SULF2: variants seen among roughly 807,000 people sequenced by gnomAD.
SULF2 encodes sulfatase 2.
Under a neutral mutation model 107.7 loss-of-function variants are expected in SULF2, and 52 were observed. The ratio of observed to expected loss-of-function variants is 0.48; its 90% CI spans 0.39 to 0.61. SULF2 has a LOEUF of 0.61. Ranked by LOEUF, SULF2 falls within the 20% of genes least tolerant of loss-of-function variation. The probability of loss-of-function intolerance (pLI) is 0.00; values close to 1 mark genes in which losing one functional copy is unlikely to be tolerated. For synonymous variants in SULF2, 460 were observed against 464.3 expected, an observed-to-expected ratio of 0.99 and a Z score of 0.12; for missense variants, 993 against 1,177.3, an observed-to-expected ratio of 0.84 and a Z score of 2.29.
At chr20:47,750,273 C>A (rs1408548755) in intron 2 of SULF2, among the ~76,000 whole-genome samples, 1 of 152,232 alleles carries the variant, frequency 6.6e-6, no homozygotes, top group Non-Finnish European at 1.5e-5. Context: ...AGCCACCGCA[C>A]CCGGCCCACA....
chr20:47,662,025 C>T (rs1203951125), intron 17 of SULF2, 129 bp from the exon 18 acceptor site: 5 of 972,930 alleles, frequency 5.1e-6, no homozygotes, highest in Non-Finnish European at 5.5e-6. Context: ...GACCTGTTTA[C>T]TCCAACTTCT....
intron 1 of SULF2, among the ~76,000 whole-genome samples, chr20:47,761,207 A>G (rs2090411510): frequency 6.6e-6 from 1 of 152,182 alleles, no homozygotes; most frequent in Admixed American, 6.5e-5. Flanking sequence ...TGCAAGTACT[A>G]TTATTAGCCC....
At chr20:47,673,640 C>A (rs187457291) in intron 10 of SULF2, among the ~76,000 whole-genome samples, 1 of 152,234 alleles carries the variant, frequency 6.6e-6, no homozygotes, top group African/African-American at 2.4e-5. Flanking sequence ...TGCCACCCTC[C>A]CATCCCCTTC....
At chr20:47,686,736 G>C (rs1395572131) in intron 5 of SULF2, among the ~76,000 whole-genome samples, 1 of 152,228 alleles carries the variant, frequency 6.6e-6, no homozygotes, top group Non-Finnish European at 1.5e-5. Context: ...CTTGGCAGCT[G>C]TGGACACCGT....
intron 10 of SULF2, among the ~76,000 whole-genome samples, chr20:47,674,542 G>A (rs2087578091): frequency 6.6e-6 from 1 of 152,258 alleles, no homozygotes; most frequent in African/African-American, 2.4e-5. Context: ...CTCCTGCCCG[G>A]CCTGGGCCCT....
chr20:47,687,195 G>A (rs567244254), intron 5 of SULF2, among the ~76,000 whole-genome samples: 10 of 152,126 alleles, frequency 6.6e-5, no homozygotes, highest in Non-Finnish European at 1.5e-5. Context: ...CTGCAGCCCC[G>A]GCTCGGAGAG....
At chr20:47,779,838 C>A (rs1039524947) in intron 1 of SULF2, among the ~76,000 whole-genome samples, 1 of 152,064 alleles carries the variant, frequency 6.6e-6, no homozygotes, top group African/African-American at 2.4e-5. Context: ...AACTCCTGAC[C>A]TCAGGTGATC....
At chr20:47,722,105 G>A (rs1172710072) in intron 3 of SULF2, among the ~76,000 whole-genome samples, 1 of 152,218 alleles carries the variant, frequency 6.6e-6, no homozygotes, top group East Asian at 1.9e-4. Context: ...GAAAGACAGG[G>A]TTCTGACAGC....
intron 3 of SULF2, among the ~76,000 whole-genome samples, chr20:47,716,542 AC>A (rs1568852069): frequency 1.3e-5 from 2 of 152,218 alleles, no homozygotes; most frequent in East Asian, 1.9e-4. Context: ...TTTTTCCCAA[AC>A]AAAATACAAT....
At chr20:47,707,988 C>T (rs771581149) in intron 3 of SULF2, among the ~76,000 whole-genome samples, 4 of 152,108 alleles carry the variant, frequency 2.6e-5, no homozygotes, top group African/African-American at 7.2e-5. Flanking sequence ...TGGTGGCACT[C>T]GAAATTGCTG....
At chr20:47,664,215 G>C (rs373165909) in intron 14 of SULF2, 26 bp from the exon 15 acceptor site, 2 of 1,605,758 alleles carry the variant, frequency 1.2e-6, no homozygotes, top group Admixed American at 1.7e-5. Context: ...CCAGCCCCAG[G>C]CTTCAGGAGT....
intron 2 of SULF2, among the ~76,000 whole-genome samples, chr20:47,754,716 C>T (rs1396778046): frequency 2.0e-5 from 3 of 152,220 alleles, no homozygotes; most frequent in Non-Finnish European, 4.4e-5. Flanking sequence ...CAACAATATC[C>T]GTAACAGTGA....
chr20:47,683,622 C>T (rs572204356), intron 6 of SULF2, among the ~76,000 whole-genome samples: 3 of 152,300 alleles, frequency 2.0e-5, no homozygotes, highest in South Asian at 2.1e-4. Flanking sequence ...CATTGGTGGC[C>T]GTGTTAATGT....
chr20:47,711,838 T>C (rs1251341841), intron 3 of SULF2, among the ~76,000 whole-genome samples: 1 of 151,910 alleles, frequency 6.6e-6, no homozygotes, highest in African/African-American at 2.4e-5. Context: ...ATACACTACA[T>C]ATACATACAT....
rs778661624 is a variant in SULF2 at position 47,663,580 on chromosome 20, C to T, written c.2100G>A (p.Glu700=). The change falls in exon 16 of 21, where the codon GAG becomes GAA. Residue 700 remains glutamate, a synonymous_variant. Coordinates refer to ENST00000688720, the MANE Select transcript of SULF2 (RefSeq NM_001387048.1). The part of the protein sequence containing the change: ...QEKDKVWLLR[E]QKRKKKLRKL... Reference sequence around the variant, plus strand: ...TGCGGAGTTTCTTCTTGCGCTTCTGCTCCCGCAACAGCCACACCTTGTCCT... The same window carrying T: ...TGCGGAGTTTCTTCTTGCGCTTCTGTTCCCGCAACAGCCACACCTTGTCCT... 5.6e-6 allele frequency: 9 copies of T among 1,609,100 alleles called. No homozygotes were observed. In the South Asian group the frequency reaches 6.6e-5, roughly 12 times the overall value.
chr20:47,679,457 C>T (rs574672189), intron 7 of SULF2, among the ~76,000 whole-genome samples: 5 of 152,176 alleles, frequency 3.3e-5, no homozygotes, highest in African/African-American at 7.2e-5. Flanking sequence ...CTGTCACTCC[C>T]GTGGTTGTGT....
intron 2 of SULF2, among the ~76,000 whole-genome samples, chr20:47,737,775 T>G (rs2089779302): frequency 7.0e-6 from 1 of 142,322 alleles, no homozygotes; most frequent in Non-Finnish European, 1.5e-5. Flanking sequence ...TTTTTTTTTT[T>G]TTTTTGAGAC....
At chr20:47,696,518 T>A (rs2088384014) in intron 4 of SULF2, among the ~76,000 whole-genome samples, 1 of 152,148 alleles carries the variant, frequency 6.6e-6, no homozygotes, top group South Asian at 2.1e-4. Context: ...ATTAATCACA[T>A]CATACTGTAC....
At chr20:47,720,684 G>GC (rs1266590699) in intron 3 of SULF2, among the ~76,000 whole-genome samples, 1 of 151,300 alleles carries the variant, frequency 6.6e-6, no homozygotes, top group Non-Finnish European at 1.5e-5. Context: ...CTGCCATTTT[G>GC]CAAGATCCAT....
Sources: gnomAD v4.1 joint callset for allele counts (sites outside exome capture counted in the v4.1 genomes callset) on GRCh38, gnomAD v4.1.1 for gene constraint, MANE v1.5 for transcripts, NCBI Gene and HGNC (gene_info 2026-07-23, HGNC 2026-07-21) for gene names.